Variants in TUT4 observed in about 807,000 individuals in gnomAD.
TUT4 encodes terminal uridylyltransferase 4.
A neutral mutation model predicts 192.2 loss-of-function variants in TUT4; 36 were observed. That is an observed-to-expected ratio of 0.19 (90% CI 0.14 to 0.25). TUT4 has a LOEUF of 0.25. TUT4 is among the 10% of genes least tolerant of loss of function. TUT4 has a pLI of 1.00. For missense variants in TUT4, 1,493 were observed against 1,957.2 expected, an observed-to-expected ratio of 0.76 and a Z score of 4.47; for synonymous variants, 618 against 666.0, an observed-to-expected ratio of 0.93 and a Z score of 1.11.
At chr1:52,493,768 T>G in intron 6 of TUT4, 106 bp from the exon 7 acceptor site, 1 of 742,992 alleles carries the variant, frequency 1.3e-6, no homozygotes, top group Admixed American at 2.9e-5. Flanking sequence ...AATATAATCA[T>G]GCTTTGTGTT....
intron 4 of TUT4, among the ~76,000 whole-genome samples, chr1:52,498,902 TTATATATATATATATATATATATA>T (rs60991652): frequency 0.18 from 4,259 of 23,298 alleles, 890 homozygotes; most frequent in Non-Finnish European, 0.25. Flanking sequence ...AAAAAAAAAA[TTATATATATATATATATATATATA>T]TATATATATA....
At chr1:52,445,897 G>A (rs758357576) in intron 23 of TUT4, 28 bp from the exon 24 acceptor site, 4 of 1,601,262 alleles carry the variant, frequency 2.5e-6, no homozygotes, top group Non-Finnish European at 8.5e-7. Flanking sequence ...AAACAATAAA[G>A]ATGCAGACAT....
intron 28 of TUT4, among the ~76,000 whole-genome samples, chr1:52,425,981 T>G (rs911487970): frequency 3.3e-5 from 5 of 152,014 alleles, no homozygotes; most frequent in African/African-American, 1.2e-4. Context: ...ACAGGAGTGA[T>G]GGAGGAAGTG....
intron 11 of TUT4, among the ~76,000 whole-genome samples, chr1:52,479,997 GAA>G (rs375149209): frequency 0.01 from 678 of 67,170 alleles, 4 homozygotes; most frequent in Middle Eastern, 0.048. Context: ...TCCGTCTCAG[GAA>G]AAAAAAAAAA....
At chr1:52,534,310 G>C (rs1468690470) in intron 1 of TUT4, among the ~76,000 whole-genome samples, 1 of 152,078 alleles carries the variant, frequency 6.6e-6, no homozygotes, top group Non-Finnish European at 1.5e-5. Context: ...TAAACCAGTT[G>C]AAAGTATAAG....
chr1:52,453,573 C>T (rs1326632748), intron 20 of TUT4, among the ~76,000 whole-genome samples: 1 of 151,594 alleles, frequency 6.6e-6, no homozygotes, highest in African/African-American at 2.4e-5. Flanking sequence ...AGGAAAATTT[C>T]CTCAGCTTGT....
At chr1:52,542,853 C>T (rs1271919719) in intron 1 of TUT4, among the ~76,000 whole-genome samples, 1 of 152,080 alleles carries the variant, frequency 6.6e-6, no homozygotes, top group African/African-American at 2.4e-5. Flanking sequence ...CCTCCGCCTC[C>T]CAGGTTCAAG....
At chr1:52,542,220 G>C (rs1686886400) in intron 1 of TUT4, among the ~76,000 whole-genome samples, 1 of 152,184 alleles carries the variant, frequency 6.6e-6, no homozygotes, top group African/African-American at 2.4e-5. Context: ...TTGTTTGACG[G>C]GTACAGAGTT....
At chr1:52,424,160 G>T in intron 29 of TUT4, 158 bp from the exon 30 acceptor site, 1 of 674,712 alleles carries the variant, frequency 1.5e-6, no homozygotes, top group Non-Finnish European at 2.5e-6. Context: ...GGAGAAAAAT[G>T]AAGAAGGGAA....
At chr1:52,530,717 G>C (rs1290079584) in intron 1 of TUT4, among the ~76,000 whole-genome samples, 1 of 152,054 alleles carries the variant, frequency 6.6e-6, no homozygotes, top group Non-Finnish European at 1.5e-5. Flanking sequence ...TGAAGATAAG[G>C]CTCAGCTGGG....
chr1:52,541,518 C>T (rs185818180), intron 1 of TUT4, among the ~76,000 whole-genome samples: 2 of 149,372 alleles, frequency 1.3e-5, no homozygotes, highest in African/African-American at 5.0e-5. Context: ...GGTGACAGAG[C>T]GAGACTCCGT....
chr1:52,430,102 G>T (rs1314658685), intron 28 of TUT4, among the ~76,000 whole-genome samples: 2 of 151,582 alleles, frequency 1.3e-5, no homozygotes, highest in Non-Finnish European at 2.9e-5. Context: ...GATGATAGAT[G>T]ATTTATTTCT....
At chr1:52,452,806 T>C (rs1659820622) in intron 20 of TUT4, among the ~76,000 whole-genome samples, 1 of 152,164 alleles carries the variant, frequency 6.6e-6, no homozygotes, top group African/African-American at 2.4e-5. Flanking sequence ...AGCAAATTAA[T>C]CAAACCCAAA....
intron 1 of TUT4, among the ~76,000 whole-genome samples, chr1:52,533,231 T>C (rs1571374401): frequency 6.6e-6 from 1 of 152,192 alleles, no homozygotes; most frequent in Admixed American, 6.5e-5. Flanking sequence ...GCAACTATTA[T>C]ATGAGAAAGG....
At chr1:52,463,967 C>T (rs971686655) in intron 16 of TUT4, among the ~76,000 whole-genome samples, 1 of 152,048 alleles carries the variant, frequency 6.6e-6, no homozygotes, top group Non-Finnish European at 1.5e-5. Context: ...TACAGAGAGG[C>T]AGTGAGATAC....
chr1:52,546,494 G>A (rs1219856199), intron 1 of TUT4, among the ~76,000 whole-genome samples: 1 of 152,136 alleles, frequency 6.6e-6, no homozygotes, highest in Admixed American at 6.6e-5. Flanking sequence ...AGTCAAAATC[G>A]TAAAGACAGA....
At chr1:52,550,520 T>C (rs1689156430) in intron 1 of TUT4, among the ~76,000 whole-genome samples, 1 of 151,138 alleles carries the variant, frequency 6.6e-6, no homozygotes, top group African/African-American at 2.4e-5. Flanking sequence ...TTTTTTTGTT[T>C]AAGACAGGGT....
At chr1:52,496,188 C>G (rs1179906325) in intron 5 of TUT4, among the ~76,000 whole-genome samples, 4 of 152,026 alleles carry the variant, frequency 2.6e-5, no homozygotes, top group Non-Finnish European at 4.4e-5. Flanking sequence ...TTAACTTCAT[C>G]CTCAGTTGTA....
At chr1:52,532,638 T>A (rs1683805135) in intron 1 of TUT4, among the ~76,000 whole-genome samples, 1 of 152,156 alleles carries the variant, frequency 6.6e-6, no homozygotes, top group Non-Finnish European at 1.5e-5. Context: ...ACTTCCTACA[T>A]GAAAGGTATG....
Sources: gnomAD v4.1 joint callset for allele counts (sites outside exome capture counted in the v4.1 genomes callset) on GRCh38, gnomAD v4.1.1 for gene constraint, MANE v1.5 for transcripts, NCBI Gene and HGNC (gene_info 2026-07-23, HGNC 2026-07-21) for gene names.